The following TPTE2 variants were observed in gnomAD, a reference collection of about 807,000 sequenced individuals.
The protein encoded by TPTE2 is transmembrane phosphoinositide 3-phosphatase and tensin homolog 2.
A neutral mutation model predicts 78.6 loss-of-function variants in TPTE2; 53 were observed. The ratio of observed to expected loss-of-function variants is 0.67; its 90% CI spans 0.54 to 0.85. TPTE2 has a LOEUF of 0.85. TPTE2 is among the 40% of genes least tolerant of loss of function. The pLI is 0.00. For synonymous variants in TPTE2, 175 were observed against 206.2 expected (o/e 0.85, Z 1.30); for missense variants, 461 against 623.0 (o/e 0.74, Z 2.77).
At chr13:19,480,717 G>T (rs1479410067) in intron 4 of TPTE2, among the ~76,000 whole-genome samples, 2 of 152,168 alleles carry the variant, frequency 1.3e-5, no homozygotes, top group East Asian at 1.9e-4. Context: ...TAATATCAGA[G>T]AAATCAATGA....
chr13:19,425,728 C>T (rs922833772), intron 18 of TPTE2: 1 of 516,550 alleles, frequency 1.9e-6, no homozygotes, highest in Non-Finnish European at 3.9e-6. Context: ...GGCTTCCACT[C>T]TCAGGTCCCT....
intron 1 of TPTE2, among the ~76,000 whole-genome samples, chr13:19,496,484 T>C (rs1490673087): frequency 6.6e-6 from 1 of 152,226 alleles, no homozygotes; most frequent in African/African-American, 2.4e-5. Context: ...TCACCCATCA[T>C]GCTAGTCTTT....
intron 14 of TPTE2, among the ~76,000 whole-genome samples, chr13:19,437,023 T>C (rs900776498): frequency 7.6e-6 from 1 of 130,878 alleles, no homozygotes. Flanking sequence ...GCAATCCACA[T>C]TAATAAACCT....
At chr13:19,449,950 G>C in intron 13 of TPTE2, 126 bp downstream of exon 16, 1 of 832,978 alleles carries the variant, frequency 1.2e-6, no homozygotes, top group South Asian at 2.0e-5. Context: ...TTCAGTCTTG[G>C]AGCTAATATT....
chr13:19,451,824 T>C (rs1194290877), intron 10 of TPTE2, among the ~76,000 whole-genome samples: 4 of 109,160 alleles, frequency 3.7e-5, no homozygotes, highest in African/African-American at 1.1e-4. Context: ...TGTGTGTGTG[T>C]GTGTGTGTGT....
intron 1 of TPTE2, among the ~76,000 whole-genome samples, chr13:19,497,739 G>C (rs955703372): frequency 7.9e-5 from 12 of 151,644 alleles, no homozygotes; most frequent in Admixed American, 1.3e-4. Context: ...AGAAAGCAGA[G>C]CGCCTCTCCT....
At chr13:19,509,186 G>A (rs1200115064) in intron 1 of TPTE2, among the ~76,000 whole-genome samples, 1 of 152,076 alleles carries the variant, frequency 6.6e-6, no homozygotes, top group Non-Finnish European at 1.5e-5. Context: ...AGTCAAGATG[G>A]TTAAAAGCAA....
intron 1 of TPTE2, among the ~76,000 whole-genome samples, chr13:19,534,696 A>G (rs1656171533): frequency 6.6e-6 from 1 of 152,192 alleles, no homozygotes; most frequent in Non-Finnish European, 1.5e-5. Flanking sequence ...TGTATTTTAT[A>G]AAGCAGGATT....
chr13:19,556,593 C>T, the TPTE2 span, among the ~76,000 whole-genome samples: 4 of 152,108 alleles, frequency 2.6e-5, no homozygotes, highest in East Asian at 5.8e-4. Context: ...ATGGCATAAT[C>T]GTGGCTCACT....
chr13:19,441,939 C>A (rs1877527571), intron 13 of TPTE2, among the ~76,000 whole-genome samples: 1 of 152,094 alleles, frequency 6.6e-6, no homozygotes, highest in South Asian at 2.1e-4. Context: ...AGGTTGAAAT[C>A]TTTACAGTAA....
intron 1 of TPTE2, among the ~76,000 whole-genome samples, chr13:19,525,021 T>C (rs1296064626): frequency 6.6e-6 from 1 of 152,190 alleles, no homozygotes; most frequent in East Asian, 1.9e-4. Context: ...AGTCTCATGA[T>C]AATTTTGTTT....
At chr13:19,561,317 C>T in the TPTE2 span, 2 of 749,396 alleles carry the variant, frequency 2.7e-6, no homozygotes, top group East Asian at 3.0e-5. Context: ...CCCAGGCACA[C>T]GGCGGGGGCC....
At chr13:19,517,443 G>A (rs963335556) in intron 1 of TPTE2, among the ~76,000 whole-genome samples, 8 of 152,166 alleles carry the variant, frequency 5.3e-5, no homozygotes, top group Admixed American at 2.0e-4. Context: ...GACTCTGTAA[G>A]GTCCCTGGGA....
At chr13:19,560,341 C>T in the TPTE2 span, 8 of 1,560,352 alleles carry the variant, frequency 5.1e-6, no homozygotes, top group African/African-American at 6.8e-5. Context: ...GGACTGCAGC[C>T]GCCGCACCAG....
At chr13:19,479,171 TAGC>T (rs919452735) in intron 4 of TPTE2, among the ~76,000 whole-genome samples, 4 of 152,084 alleles carry the variant, frequency 2.6e-5, no homozygotes, top group Non-Finnish European at 5.9e-5. Flanking sequence ...TAAAAAAATG[TAGC>T]AGGTGAAAAT....
At chr13:19,541,707 A>C (rs1339896241), upstream of TPTE2, among the ~76,000 whole-genome samples, 1 of 152,200 alleles carries the variant, frequency 6.6e-6, no homozygotes, top group Non-Finnish European at 1.5e-5. Context: ...CTTTTGAGAT[A>C]ATGTGTGATC....
chr13:19,482,446 T>A, intron 4 of TPTE2, 42 bp downstream of exon 7: 1 of 1,603,930 alleles, frequency 6.2e-7, no homozygotes, highest in Non-Finnish European at 8.5e-7. Flanking sequence ...AGGTAAGAGA[T>A]CCATCAATGG....
chr13:19,496,899 C>T (rs1881352531), intron 1 of TPTE2, among the ~76,000 whole-genome samples: 1 of 152,176 alleles, frequency 6.6e-6, no homozygotes, highest in Admixed American at 6.5e-5. Flanking sequence ...GGGTTCATCT[C>T]ACTAGGGAGT....
chr13:19,438,106 A>G (rs1330114929), exon 14 of TPTE2: 1 of 1,607,790 alleles, frequency 6.2e-7, no homozygotes, highest in African/African-American at 1.3e-5. Context: ...GCAGTTAAAA[A>G]TATTTCGGAG....
Sources: allele counts gnomAD v4.1 joint callset (sites outside exome capture counted in the v4.1 genomes callset), GRCh38; gene constraint gnomAD v4.1.1; transcripts MANE v1.5; gene names NCBI Gene and HGNC (gene_info 2026-07-23, HGNC 2026-07-21).